The following CCSER1 variants were observed in gnomAD, a reference collection of about 807,000 sequenced individuals.
The protein encoded by CCSER1 is serine-rich coiled-coil domain-containing protein 1.
A neutral mutation model predicts 82.0 loss-of-function variants in CCSER1; 41 were observed. That is an observed-to-expected ratio of 0.50 (90% CI 0.39 to 0.65). CCSER1 has a LOEUF of 0.65. CCSER1 is among the 30% of genes least tolerant of loss of function. The pLI, the probability that CCSER1 is intolerant of heterozygous loss-of-function variation, is 0.00. For synonymous variants in CCSER1, 414 were observed against 383.9 expected (o/e 1.08, Z -0.92); for missense variants, 1,119 against 1,064.2 (o/e 1.05, Z -0.72).
chr4:91,274,040 A>G (rs1400400667), intron 10 of CCSER1, among the ~76,000 whole-genome samples: 1 of 152,244 alleles, frequency 6.6e-6, no homozygotes, highest in African/African-American at 2.4e-5. Context: ...TACATATTAT[A>G]CCAATAAGAA....
intron 10 of CCSER1, among the ~76,000 whole-genome samples, chr4:91,195,788 C>T (rs1735356751): frequency 6.6e-6 from 1 of 152,146 alleles, no homozygotes; most frequent in Non-Finnish European, 1.5e-5. Flanking sequence ...TACTGAGGGC[C>T]ACACGATCAT....
chr4:90,232,596 T>C (rs1165885152), intron 1 of CCSER1, among the ~76,000 whole-genome samples: 2 of 141,730 alleles, frequency 1.4e-5, no homozygotes, highest in Non-Finnish European at 3.0e-5. Context: ...CCAAAAGCAA[T>C]GGCAAGAAAA....
chr4:90,482,403 C>G (rs1766172431), intron 5 of CCSER1, among the ~76,000 whole-genome samples: 3 of 152,002 alleles, frequency 2.0e-5, no homozygotes, highest in South Asian at 2.1e-4. Context: ...TTATTTCTTG[C>G]CTTCTGCTAG....
At position 90,362,956 on chromosome 4, in the gene CCSER1, A is replaced by G. The variant is rs749667137; in HGVS notation, c.1510-37080A>G. 6.6e-5 allele frequency among the ~76,000 whole-genome samples: 10 copies of G among 152,114 alleles called. 1 individual carries two copies. The highest frequency in any genetic ancestry group is 1.3e-4 in the Non-Finnish European group (9 of 68,024). ...CTCTTGGATAATTGCAAATTGAGTA[A>G]ATTTATATTATTATTTAGAGTGAAT... On this transcript the variant is annotated intron_variant, in intron 3 of 10. Transcript: ENST00000509176.
intron 1 of CCSER1, among the ~76,000 whole-genome samples, chr4:90,214,715 A>G (rs1435778187): frequency 1.3e-5 from 2 of 152,192 alleles, no homozygotes; most frequent in Admixed American, 1.3e-4. Context: ...TGAAATTAGA[A>G]CAATCATATA....
chr4:90,927,056 A>G (rs1054848377), intron 9 of CCSER1, among the ~76,000 whole-genome samples: 3 of 152,050 alleles, frequency 2.0e-5, no homozygotes, highest in Non-Finnish European at 4.4e-5. Flanking sequence ...TTGAGAATGC[A>G]TAATCAAAAT....
Position 90,727,402 on chromosome 4 carries a change from A to C in CCSER1, c.2010+3411A>C, listed in dbSNP as rs149000467. 2.8e-3 allele frequency: 1,122 copies of C among 403,934 alleles called. 7 individuals carry two copies. The highest frequency in any genetic ancestry group is 4.0e-3 in the Non-Finnish European group (817 of 205,232). The allele number at this position is 403,934 out of a possible 1,614,324, so 25.0% of individuals were successfully genotyped here. On this transcript the variant is annotated intron_variant, in intron 7 of 10. Coordinates refer to ENST00000509176, the MANE Select transcript of CCSER1 (RefSeq NM_001145065.2). ...AAAGACAGTGGATTGCTTAGCCATT[A>C]AGTTTTTTATAGTTTTCTGAGGACT...
intron 5 of CCSER1, among the ~76,000 whole-genome samples, chr4:90,607,016 A>T (rs1784814711): frequency 6.6e-6 from 1 of 152,210 alleles, no homozygotes; most frequent in African/African-American, 2.4e-5. Flanking sequence ...GATTCCAGTA[A>T]ATCATAATAA....
intron 10 of CCSER1, among the ~76,000 whole-genome samples, chr4:91,385,007 A>G (rs1048577985): frequency 1.3e-5 from 2 of 152,076 alleles, no homozygotes; most frequent in Admixed American, 6.6e-5. Flanking sequence ...GTGAAACCCT[A>G]TGGAAGAGAA....
chr4:90,325,003 G>A (rs963279303), intron 3 of CCSER1, among the ~76,000 whole-genome samples: 1 of 152,106 alleles, frequency 6.6e-6, no homozygotes, highest in Non-Finnish European at 1.5e-5. Flanking sequence ...TTATTTCTGA[G>A]GGCTCTGTTC....
At chr4:90,239,757 A>T (rs1057237296) in intron 1 of CCSER1, among the ~76,000 whole-genome samples, 1 of 152,142 alleles carries the variant, frequency 6.6e-6, no homozygotes, top group African/African-American at 2.4e-5. Flanking sequence ...GATTATAGGC[A>T]CGATCCTGCA....
At chr4:90,649,363 C>T (rs1249757880) in intron 6 of CCSER1, 2 of 152,238 alleles carry the variant, frequency 1.3e-5, no homozygotes, top group South Asian at 4.1e-4. Context: ...TCTCAATATT[C>T]ACATGTTGAA....
intron 9 of CCSER1, among the ~76,000 whole-genome samples, chr4:91,028,242 T>C (rs1740664856): frequency 6.6e-6 from 1 of 151,968 alleles, no homozygotes; most frequent in Admixed American, 6.6e-5. Context: ...AAAATTAACA[T>C]TTCATATACT....
intron 10 of CCSER1, among the ~76,000 whole-genome samples, chr4:91,110,690 T>C (rs1422409950): frequency 6.6e-6 from 1 of 152,084 alleles, no homozygotes; most frequent in Non-Finnish European, 1.5e-5. Context: ...TTTATTCAAC[T>C]TATATTCATA....
chr4:90,729,819 T>C (rs1283810606), intron 7 of CCSER1, among the ~76,000 whole-genome samples: 1 of 152,036 alleles, frequency 6.6e-6, no homozygotes, highest in Non-Finnish European at 1.5e-5. Flanking sequence ...GAGCTTGCAG[T>C]GAGCGGAGAT....
chr4:91,288,674 C>T (rs941247301), intron 10 of CCSER1, among the ~76,000 whole-genome samples: 1 of 151,986 alleles, frequency 6.6e-6, no homozygotes, highest in Non-Finnish European at 1.5e-5. Flanking sequence ...TTCCTTTATC[C>T]ATTCAAAACA....
At chr4:90,189,466 A>C (rs796360758) in intron 1 of CCSER1, among the ~76,000 whole-genome samples, 22 of 152,008 alleles carry the variant, frequency 1.4e-4, no homozygotes, top group African/African-American at 5.3e-4. Flanking sequence ...TATGACGTGC[A>C]CTGAGCATAT....
chr4:91,072,703 G>T (rs1721560278), intron 9 of CCSER1, among the ~76,000 whole-genome samples: 1 of 152,000 alleles, frequency 6.6e-6, no homozygotes, highest in Non-Finnish European at 1.5e-5. Context: ...ATTCAACTCT[G>T]CTTTCTTTGA....
chr4:91,339,156 C>T (rs970293540), intron 10 of CCSER1, among the ~76,000 whole-genome samples: 1 of 152,108 alleles, frequency 6.6e-6, no homozygotes, highest in Non-Finnish European at 1.5e-5. Flanking sequence ...CACATTACAT[C>T]AAGTAAGTAT....
Sources: gnomAD v4.1 joint callset for allele counts (sites outside exome capture counted in the v4.1 genomes callset) on GRCh38, gnomAD v4.1.1 for gene constraint, MANE v1.5 for transcripts, NCBI Gene and HGNC (gene_info 2026-07-23, HGNC 2026-07-21) for gene names.